Variants in RPS15A observed in about 807,000 individuals in gnomAD.
RPS15A encodes small ribosomal subunit protein uS8.
For missense variants in RPS15A, 62 were observed against 163.4 expected (o/e 0.38, Z 3.38); for synonymous variants, 55 against 58.5 (o/e 0.94, Z 0.27).
intron 2 of RPS15A, chr16:18,788,745 A>G (rs2029952184): frequency 2.2e-6 from 1 of 455,968 alleles, no homozygotes; most frequent in Non-Finnish European, 4.0e-6. Context: ...GAGTCCTTTC[A>G]ATGACTTAGA....
In RPS15A at chr16:18,782,729, GA is replaced by G. The variant is rs56008565; in HGVS notation, c.*279del. On this transcript the variant is annotated 3_prime_UTR_variant, in exon 5 of 5. Coordinates refer to ENST00000322989, the MANE Select transcript of RPS15A (RefSeq NM_001019.5). ...AGAGTCAGACTCTGTCTCCAAAAAAGAAAAAAAAAAAAAAAAACTGAAATAC... is the reference window on the plus strand; with the variant it reads ...AGAGTCAGACTCTGTCTCCAAAAAAGAAAAAAAAAAAAAAAACTGAAATAC... The G allele has an allele frequency of 0.4, 65,474 of 163,702 alleles. 9,679 individuals are homozygous for G. Among genetic ancestry groups the G allele is most frequent in the African/African-American group, 0.44 (14,319 of 32,806 alleles). The allele number at this position is 163,702 out of a possible 1,614,324, so 10.1% of individuals were successfully genotyped here.
Position 18,788,079 on chromosome 16 carries a change from G to T in RPS15A, c.197C>A (p.Thr66Lys). 1 of 1,609,420 alleles carries T rather than the reference G, an allele frequency of 6.2e-7. No individual in the cohort carries two copies. The highest frequency in any genetic ancestry group is 1.1e-5 in the South Asian group (1 of 90,968). ...HRAGKIVVNL[T>K]GRLNKCGVIS... ...CGTTCTTACCTTGTTTAGCCTGCCT[G>T]TGAGGTTCACAACAATTTTCCCAGC... The change falls in exon 3 of 5, where the codon ACA becomes AAA. Residue 66 changes from threonine (T) to lysine (K), a missense_variant. Transcript: ENST00000322989.
intron 4 of RPS15A, chr16:18,783,869 C>A (rs1489963353): frequency 2.7e-6 from 1 of 365,316 alleles, no homozygotes; most frequent in South Asian, 2.1e-5. Flanking sequence ...AGCAGAAAAA[C>A]AAGGGTTTGA....
At chr16:18,784,928 C>T in intron 3 of RPS15A, 105 bp from the exon 4 acceptor site, 1 of 857,208 alleles carries the variant, frequency 1.2e-6, no homozygotes, top group Non-Finnish European at 1.9e-6. Context: ...CCAAACCAAC[C>T]AACCCAGCAT....
At position 18,783,407 on chromosome 16, in the gene RPS15A, G is replaced by A. The variant is rs554227748; in HGVS notation, c.300-305C>T. 20 of 379,804 alleles carry A rather than the reference G, an allele frequency of 5.3e-5. 1 individual carries two copies. In the East Asian group the frequency reaches 7.4e-4, roughly 14 times the overall value. The allele number at this position is 379,804 out of a possible 1,614,324, so 23.5% of individuals were successfully genotyped here. On this transcript the variant is annotated intron_variant, in intron 4 of 4. Coordinates refer to ENST00000322989, the MANE Select transcript of RPS15A (RefSeq NM_001019.5). ...CCTTTAAATTTAAATGTCACTTTCTGCTCTCAGGTAAGGAGACTTGAAAGT... is the reference window on the plus strand; with the variant it reads ...CCTTTAAATTTAAATGTCACTTTCTACTCTCAGGTAAGGAGACTTGAAAGT...
chr16:18,787,071 G>C (rs1440051409), intron 3 of RPS15A, among the ~76,000 whole-genome samples: 1 of 152,126 alleles, frequency 6.6e-6, no homozygotes. Context: ...CACCATGTTG[G>C]CCAGGCTTGT....
At position 18,787,021 on chromosome 16, in the gene RPS15A, C is replaced by T. The variant is rs185416806; in HGVS notation, c.213+1042G>A. 7.8e-3 allele frequency among the ~76,000 whole-genome samples: 1,182 copies of T among 152,284 alleles called. 12 individuals carry two copies. Among genetic ancestry groups the T allele is most frequent in the Non-Finnish European group, 9.8e-3 (669 of 68,020 alleles). On this transcript the variant is annotated intron_variant, in intron 3 of 4. Coordinates refer to ENST00000322989, the MANE Select transcript of RPS15A (RefSeq NM_001019.5). Reference sequence around the variant, plus strand: ...CTGGGATTACAAGCGCCCGCCACTGCGCCTGGCTAGTTTTTCTATTTTTAG... The same window carrying T: ...CTGGGATTACAAGCGCCCGCCACTGTGCCTGGCTAGTTTTTCTATTTTTAG...
At chr16:18,784,621 T>C (rs377066508) in intron 4 of RPS15A, 117 bp downstream of exon 4, 7 of 737,062 alleles carry the variant, frequency 9.5e-6, no homozygotes, top group South Asian at 5.3e-5. Flanking sequence ...TGGTTAAGAG[T>C]AGACAAATTA....
At position 18,782,420 on chromosome 16, in the gene RPS15A, A is replaced by G. The variant is rs1366956800; in HGVS notation, c.*589T>C. Reference sequence around the variant, plus strand: ...AGGCAAAACAAATTCATCAAAAACTAATAGAAAATACTGAAATATAGGCCA... The same window carrying G: ...AGGCAAAACAAATTCATCAAAAACTGATAGAAAATACTGAAATATAGGCCA... On this transcript the variant is annotated 3_prime_UTR_variant, in exon 5 of 5. Coordinates refer to ENST00000322989, the MANE Select transcript of RPS15A (RefSeq NM_001019.5). The G allele has an allele frequency of 1.3e-5, 2 of 151,848 alleles. No individual in the cohort carries two copies. The highest frequency in any genetic ancestry group is 3.9e-4 in the East Asian group (2 of 5,182). The allele number at this position is 151,848 out of a possible 1,614,324, so 9.4% of individuals were successfully genotyped here.
At chr16:18,786,164 A>G in intron 3 of RPS15A, 1 of 164,778 alleles carries the variant, frequency 6.1e-6, no homozygotes, top group Non-Finnish European at 1.4e-5. Context: ...CAGGAGTCCC[A>G]GACCAGCCTG....
At chr16:18,785,205 T>C (rs780236364) in intron 3 of RPS15A, 6 of 163,422 alleles carry the variant, frequency 3.7e-5, no homozygotes, top group Non-Finnish European at 6.6e-5. Context: ...AATAAAATCA[T>C]AGGGTCTCAA....
At chr16:18,788,898 G>T in intron 2 of RPS15A, 83 bp downstream of exon 2, 1 of 1,378,810 alleles carries the variant, frequency 7.3e-7, no homozygotes, top group Non-Finnish European at 1.0e-6. Flanking sequence ...GACATACTTT[G>T]GTCCCCCATA....
chr16:18,785,232 AATT>A (rs1904028957), intron 3 of RPS15A: 1 of 156,602 alleles, frequency 6.4e-6, no homozygotes, highest in Non-Finnish European at 1.4e-5. Context: ...AAGCTCTACA[AATT>A]ATTAGAATAT....
intron 4 of RPS15A, chr16:18,783,487 A>G: frequency 2.8e-6 from 1 of 356,580 alleles, no homozygotes; most frequent in Non-Finnish European, 5.5e-6. Flanking sequence ...TATAATAGCT[A>G]AACTATTATA....
At chr16:18,784,563 AAGAG>A (rs1567286756) in intron 4 of RPS15A, 171 bp downstream of exon 4, 2 of 571,428 alleles carry the variant, frequency 3.5e-6, no homozygotes, top group African/African-American at 3.9e-5. Flanking sequence ...TCTCTTTTTA[AAGAG>A]AGAGAAAAGA....
chr16:18,788,867 C>T, intron 2 of RPS15A, 114 bp downstream of exon 2: 1 of 1,101,302 alleles, frequency 9.1e-7, no homozygotes, highest in South Asian at 1.5e-5. Context: ...AGGTCAATTG[C>T]ATTCGTTCTC....
rs892570916 is a variant in RPS15A, at chr16:18,782,760, A to T, written c.*249T>A. The T allele has an allele frequency of 1.3e-4, 45 of 350,300 alleles. No individual in the cohort carries two copies. Among genetic ancestry groups the T allele is most frequent in the Non-Finnish European group, 2.0e-4 (39 of 194,908 alleles). The allele number at this position is 350,300 out of a possible 1,614,324, so 21.7% of individuals were successfully genotyped here. On this transcript the variant is annotated 3_prime_UTR_variant, in exon 5 of 5. Transcript: ENST00000322989. ...AAAAAAAAAAAACTGAAATACAACT[A>T]AAATATTTAGTGTCAAATACCTGGT...
In RPS15A at chr16:18,782,437, T is replaced by C. The variant is rs1903979192; in HGVS notation, c.*572A>G. On this transcript the variant is annotated 3_prime_UTR_variant, in exon 5 of 5. Coordinates refer to ENST00000322989, the MANE Select transcript of RPS15A (RefSeq NM_001019.5). The stretch of plus-strand genomic sequence containing the variant: ...CAAAAACTAATAGAAAATACTGAAA[T>C]ATAGGCCAGGTGTAATGGCTCGTGG... 6.7e-6 allele frequency: 1 copy of C among 150,182 alleles called. No individual in the cohort carries two copies. The highest frequency in any genetic ancestry group is 1.5e-5 in the Non-Finnish European group (1 of 67,746). 9.3% of individuals were successfully genotyped at this position (150,182 alleles called of 1,614,324 possible).
chr16:18,789,139 A>G (rs766287586), intron 1 of RPS15A, 21 bp from the exon 2 acceptor site: 1 of 1,598,858 alleles, frequency 6.3e-7, no homozygotes, highest in Non-Finnish European at 8.5e-7. Context: ...AAGACAAAAC[A>G]GGAGGTTTTA....
Sources: allele counts gnomAD v4.1 joint callset (sites outside exome capture counted in the v4.1 genomes callset), GRCh38; gene constraint gnomAD v4.1.1; transcripts MANE v1.5; gene names NCBI Gene and HGNC (gene_info 2026-07-23, HGNC 2026-07-21).